BCAS3: variants seen among roughly 807,000 people sequenced by gnomAD.
BCAS3 encodes BCAS3 microtubule associated cell migration factor, also known as BCAS4/BCAS3 fusion.
Under a neutral mutation model 116.1 loss-of-function variants are expected in BCAS3, and 53 were observed. That is an observed-to-expected ratio of 0.46 (90% CI 0.37 to 0.57). The LOEUF (loss-of-function observed/expected upper bound fraction) is 0.57, where lower values mean the gene tolerates loss of function less well. BCAS3 is among the 20% of genes least tolerant of loss of function. BCAS3 has a pLI of 0.00. For missense variants in BCAS3, 917 were observed against 1,165.4 expected (o/e 0.79, Z 3.10); for synonymous variants, 391 against 408.2 (o/e 0.96, Z 0.51).
intron 22 of BCAS3, among the ~76,000 whole-genome samples, chr17:61,291,048 G>A (rs1237646022): frequency 6.6e-6 from 1 of 152,130 alleles, no homozygotes; most frequent in Non-Finnish European, 1.5e-5. Flanking sequence ...CCAAAGCGCT[G>A]GGATTACAGA....
At position 61,063,969 on chromosome 17, in the gene BCAS3, A is replaced by G. The variant is rs761627490; in HGVS notation, c.2030-10951A>G. On this transcript the variant is annotated intron_variant, in intron 19 of 23. Transcript: ENST00000407086. The surrounding 1 kb of genome is among the most constrained non-coding windows in gnomAD (Gnocchi z 5.3). ...TCCATAAACTTTTGGTAAAGCATCA[A>G]TAATTTCACCATTCTTCTACCCAAG... Among the ~76,000 whole-genome samples the G allele has an allele frequency of 2.0e-5, 3 of 152,214 alleles. No homozygotes were observed. The highest frequency in any genetic ancestry group is 4.4e-5 in the Non-Finnish European group (3 of 68,036).
At position 61,355,477 on chromosome 17, in the gene BCAS3, C is replaced by CAA. The variant is rs397835641; in HGVS notation, c.2426-12840_2426-12839dup. On this transcript the variant is annotated intron_variant, in intron 22 of 23. Transcript: ENST00000407086. The surrounding 1 kb of genome is among the most constrained non-coding windows in gnomAD (Gnocchi z 4.2). The stretch of plus-strand genomic sequence containing the variant: ...CTCGCTGGCACTCCAGCCATATTTT[C>CAA]AAAAAAAAAAATTCAGCATGGTAGT... Among the ~76,000 whole-genome samples, 78 of 148,876 alleles carry CAA rather than the reference C, an allele frequency of 5.2e-4. No individual in the cohort carries two copies. The East Asian group carries it at 7.5e-3, about 14-fold the overall frequency.
Position 61,380,209 on chromosome 17 carries a change from G to A in BCAS3, c.2593+11715G>A, listed in dbSNP as rs1410312351. The A allele has an allele frequency of 1.7e-5, 6 of 358,136 alleles. No homozygotes were observed. The highest frequency in any genetic ancestry group is 8.5e-5 in the Admixed American group (2 of 23,628). The allele number at this position is 358,136 out of a possible 1,614,324, so 22.2% of individuals were successfully genotyped here. A position where few individuals can be genotyped will look rare whatever the true frequency, so the allele number is the denominator to read the frequency against. On this transcript the variant is annotated intron_variant, in intron 23 of 23. Coordinates refer to ENST00000407086, the MANE Select transcript of BCAS3 (RefSeq NM_017679.5). This position sits in a 1 kb window ranked among gnomAD's most constrained non-coding sequence, Gnocchi z 4.2. The stretch of plus-strand genomic sequence containing the variant: ...AATCTGAGGGGTTACCCAGGATGCC[G>A]GCTTTCTCTCTACATCATTCCCTAC...
At chr17:60,895,375 A>G (rs564423026) in intron 10 of BCAS3, among the ~76,000 whole-genome samples, 3 of 152,044 alleles carry the variant, frequency 2.0e-5, no homozygotes, top group African/African-American at 7.2e-5. Flanking sequence ...TTGCTGATCT[A>G]TTGTATTTCT....
intron 23 of BCAS3, among the ~76,000 whole-genome samples, chr17:61,375,247 T>TGTGCGCGCGCGCGCACAC (rs1031489813): frequency 7.2e-4 from 94 of 129,828 alleles, no homozygotes; most frequent in African/African-American, 4.0e-3. Flanking sequence ...TGTGTGTGTG[T>TGTGCGCGCGCGCGCACAC]GTGTGTGTAC....
rs116706546 is a variant in BCAS3 at position 60,891,580 on chromosome 17, G to C, written c.738+1809G>C. ...GGGCTGAGTATAGAATTGTAAAATTGAATTAAATTTTGGGGTACCAGTCTC... is the reference window on the plus strand; with the variant it reads ...GGGCTGAGTATAGAATTGTAAAATTCAATTAAATTTTGGGGTACCAGTCTC... On this transcript the variant is annotated intron_variant, in intron 10 of 23. Coordinates refer to ENST00000407086, the MANE Select transcript of BCAS3 (RefSeq NM_017679.5). The C allele has an allele frequency of 3.2e-3, 1,338 of 419,864 alleles. 22 individuals are homozygous for C. The highest frequency in any genetic ancestry group is 0.026 in the African/African-American group (1,236 of 47,854). The allele number at this position is 419,864 out of a possible 1,614,324, so 26.0% of individuals were successfully genotyped here.
chr17:61,194,327 C>T (rs1181301171), intron 22 of BCAS3, among the ~76,000 whole-genome samples: 1 of 152,116 alleles, frequency 6.6e-6, no homozygotes, highest in Non-Finnish European at 1.5e-5. Context: ...TTGGTTAACC[C>T]GAGTTCAGAG....
At chr17:60,930,814 C>A (rs1484906703) in intron 13 of BCAS3, among the ~76,000 whole-genome samples, 1 of 151,948 alleles carries the variant, frequency 6.6e-6, no homozygotes, top group Non-Finnish European at 1.5e-5. Flanking sequence ...ATAAACATGT[C>A]CTGGACAACA....
At chr17:61,254,271 C>G (rs1194310947) in intron 22 of BCAS3, among the ~76,000 whole-genome samples, 1 of 152,194 alleles carries the variant, frequency 6.6e-6, no homozygotes, top group Non-Finnish European at 1.5e-5. Flanking sequence ...CCTCACAGAA[C>G]ACTTCTGCCG....
At chr17:61,072,550 A>G (rs1335216575) in intron 19 of BCAS3, among the ~76,000 whole-genome samples, 1 of 152,170 alleles carries the variant, frequency 6.6e-6, no homozygotes, top group Non-Finnish European at 1.5e-5. Flanking sequence ...CTCAGCATAT[A>G]TAAAACACAA....
chr17:61,007,660 G>A lies in BCAS3; in HGVS notation c.1487-8091G>A, dbSNP rs796677716. Among the ~76,000 whole-genome samples, 3 of 151,644 alleles carry A rather than the reference G, an allele frequency of 2.0e-5. No individual in the cohort carries two copies. The highest frequency in any genetic ancestry group is 7.3e-5 in the African/African-American group (3 of 41,254). ...CATGCAGGCTACTTTGTATGTAGTGGGGAGAAGTGATGACACTATCATTAA... is the reference window on the plus strand; with the variant it reads ...CATGCAGGCTACTTTGTATGTAGTGAGGAGAAGTGATGACACTATCATTAA... On this transcript the variant is annotated intron_variant, in intron 15 of 23. Coordinates refer to ENST00000407086, the MANE Select transcript of BCAS3 (RefSeq NM_017679.5). This position sits in a 1 kb window ranked among gnomAD's most constrained non-coding sequence, Gnocchi z 4.3.
At chr17:60,796,853 G>C (rs1425137200) in intron 6 of BCAS3, among the ~76,000 whole-genome samples, 1 of 152,122 alleles carries the variant, frequency 6.6e-6, no homozygotes, top group Non-Finnish European at 1.5e-5. Flanking sequence ...ATTTAGGGCT[G>C]TGAACTTTCC....
intron 6 of BCAS3, among the ~76,000 whole-genome samples, chr17:60,756,159 A>G (rs987460424): frequency 3.3e-5 from 5 of 152,116 alleles, no homozygotes; most frequent in Admixed American, 1.3e-4. Context: ...TCCACCTCAG[A>G]TCATCAGGCA....
Position 61,339,890 on chromosome 17 carries a change from G to A in BCAS3, c.2426-28437G>A, listed in dbSNP as rs1258310482. On this transcript the variant is annotated intron_variant, in intron 22 of 23. Transcript: ENST00000407086. This position sits in a 1 kb window ranked among gnomAD's most constrained non-coding sequence, Gnocchi z 4.4. ...TGTCCCGAAAGCCAAGTAGAGAGAG[G>A]GTCAACTATGTCGAAAGCACACTTG... is the stretch of plus-strand genomic sequence containing the variant. Among the ~76,000 whole-genome samples, 2 of 152,098 alleles carry A rather than the reference G, an allele frequency of 1.3e-5. No homozygotes were observed. Among genetic ancestry groups the A allele is most frequent in the Admixed American group, 1.3e-4 (2 of 15,264 alleles).
At position 61,128,245 on chromosome 17, in the gene BCAS3, A is replaced by G. The variant is rs1256658328; in HGVS notation, c.2425+43681A>G. ...TGAAGATGAAGCCCATGCAATGAGG[A>G]CAGCCTAGGCCGTGTTAGGCTTTGA... On this transcript the variant is annotated intron_variant, in intron 22 of 23. Transcript: ENST00000407086. The surrounding 1 kb of genome is among the most constrained non-coding windows in gnomAD (Gnocchi z 4.1). 9 of 985,446 alleles carry G rather than the reference A, an allele frequency of 9.1e-6. No individual in the cohort carries two copies. Among genetic ancestry groups the G allele is most frequent in the Non-Finnish European group, 1.1e-5 (9 of 829,938 alleles). The allele number at this position is 985,446 out of a possible 1,614,324, so 61.0% of individuals were successfully genotyped here.
chr17:61,140,751 A>G lies in BCAS3; in HGVS notation c.2425+56187A>G, dbSNP rs1286681755. ...TAATAAATATATATTTACATAGTTT[A>G]TAGTTGTTACATAAAACTTTCATGT... is the stretch of plus-strand genomic sequence containing the variant. On this transcript the variant is annotated intron_variant, in intron 22 of 23. Transcript: ENST00000407086. This position sits in a 1 kb window ranked among gnomAD's most constrained non-coding sequence, Gnocchi z 4.2. Among the ~76,000 whole-genome samples the G allele has an allele frequency of 1.3e-5, 2 of 152,186 alleles. No individual in the cohort carries two copies. Among genetic ancestry groups the G allele is most frequent in the Non-Finnish European group, 2.9e-5 (2 of 68,026 alleles).
rs1201576304 is a variant in BCAS3, at chr17:61,381,085, A to G, written c.2594-10892A>G. Among the ~76,000 whole-genome samples the G allele has an allele frequency of 6.6e-6, 1 of 152,208 alleles. No homozygotes were observed. The highest frequency in any genetic ancestry group is 1.5e-5 in the Non-Finnish European group (1 of 68,040). On this transcript the variant is annotated intron_variant, in intron 23 of 23. Coordinates refer to ENST00000407086, the MANE Select transcript of BCAS3 (RefSeq NM_017679.5). The surrounding 1 kb of genome is among the most constrained non-coding windows in gnomAD (Gnocchi z 6.0). ...TACAACCTAATGTAACACAAAATTC[A>G]TTACTGATCACATTACTTTCAACTC...
Position 61,104,609 on chromosome 17 carries a change from G to T in BCAS3, c.2425+20045G>T, listed in dbSNP as rs1462988916. On this transcript the variant is annotated intron_variant, in intron 22 of 23. Coordinates refer to ENST00000407086, the MANE Select transcript of BCAS3 (RefSeq NM_017679.5). The surrounding 1 kb of genome is among the most constrained non-coding windows in gnomAD (Gnocchi z 4.1). ...TCATTTACTTAGGATCCGTGTCAGC[G>T]CCTTGAGCTCCAAATCGGGTATTAC... Among the ~76,000 whole-genome samples the T allele has an allele frequency of 6.6e-6, 1 of 152,078 alleles. No homozygotes were observed. Among genetic ancestry groups the T allele is most frequent in the African/African-American group, 2.4e-5 (1 of 41,400 alleles).
At chr17:61,187,619 T>C (rs1361221754) in intron 22 of BCAS3, among the ~76,000 whole-genome samples, 2 of 152,254 alleles carry the variant, frequency 1.3e-5, no homozygotes, top group East Asian at 3.8e-4. Flanking sequence ...TATTTATTGA[T>C]GACTTTGCTC....
Sources: allele counts gnomAD v4.1 joint callset (sites outside exome capture counted in the v4.1 genomes callset), GRCh38; gene constraint gnomAD v4.1.1; non-coding constraint Gnocchi (gnomAD v3.1); transcripts MANE v1.5; gene names NCBI Gene and HGNC (gene_info 2026-07-23, HGNC 2026-07-21).